GRAMD1C: variants seen among roughly 807,000 people sequenced by gnomAD.
The protein encoded by GRAMD1C is protein Aster-C.
A neutral mutation model predicts 97.8 loss-of-function variants in GRAMD1C; 89 were observed. That is an observed-to-expected ratio of 0.91 (90% CI 0.77 to 1.09). The LOEUF (loss-of-function observed/expected upper bound fraction) is 1.09, where lower values mean the gene tolerates loss of function less well. GRAMD1C is among the 50% of genes least tolerant of loss of function. The probability of loss-of-function intolerance (pLI) is 0.00; values close to 1 mark genes in which losing one functional copy is unlikely to be tolerated. For synonymous variants in GRAMD1C, 256 were observed against 267.0 expected (o/e 0.96, Z 0.40); for missense variants, 740 against 766.4 (o/e 0.97, Z 0.41).
chr3:113,860,274 C>A (rs1419832472), intron 2 of GRAMD1C, among the ~76,000 whole-genome samples: 1 of 152,174 alleles, frequency 6.6e-6, no homozygotes, highest in Non-Finnish European at 1.5e-5. Flanking sequence ...CCCGCCTTGG[C>A]CTCCCAAAGT....
At chr3:113,879,234 C>T (rs182127331) in intron 5 of GRAMD1C, among the ~76,000 whole-genome samples, 3 of 151,334 alleles carry the variant, frequency 2.0e-5, no homozygotes, top group African/African-American at 4.9e-5. Flanking sequence ...ACAAACAAAC[C>T]GACTCTCTTT....
chr3:113,912,641 G>A (rs1936645123), intron 9 of GRAMD1C, among the ~76,000 whole-genome samples: 1 of 151,810 alleles, frequency 6.6e-6, no homozygotes. Context: ...GCTGAAGCAG[G>A]AGCATCACTT....
chr3:113,831,053 C>CA (rs1000456365), intron 1 of GRAMD1C, among the ~76,000 whole-genome samples: 112 of 152,310 alleles, frequency 7.4e-4, no homozygotes, highest in African/African-American at 2.6e-3. Context: ...CGCACCACTG[C>CA]ACTCCAGCCT....
At chr3:113,882,571 A>G (rs1460825715) in intron 5 of GRAMD1C, among the ~76,000 whole-genome samples, 181 bp from the exon 6 acceptor site, 1 of 152,206 alleles carries the variant, frequency 6.6e-6, no homozygotes, top group African/African-American at 2.4e-5. Flanking sequence ...CCTTGTTCAT[A>G]TAGCAACTAC....
chr3:113,868,345 T>C (rs1446377603), intron 2 of GRAMD1C, among the ~76,000 whole-genome samples: 3 of 152,218 alleles, frequency 2.0e-5, no homozygotes, highest in Non-Finnish European at 4.4e-5. Flanking sequence ...AGTCAAATTT[T>C]CCTGTTTCTT....
chr3:113,870,098 A>G (rs983435484), intron 3 of GRAMD1C, among the ~76,000 whole-genome samples: 2 of 151,996 alleles, frequency 1.3e-5, no homozygotes, highest in African/African-American at 4.8e-5. Context: ...GTGGTGACTC[A>G]TGCCTGTTAT....
intron 8 of GRAMD1C, among the ~76,000 whole-genome samples, chr3:113,906,633 A>T (rs1936383254): frequency 6.6e-6 from 1 of 150,720 alleles, no homozygotes; most frequent in Non-Finnish European, 1.5e-5. Flanking sequence ...GCTAAGCTTA[A>T]TTTATTATTG....
chr3:113,898,019 A>G (rs184563666), intron 6 of GRAMD1C, among the ~76,000 whole-genome samples: 1 of 152,272 alleles, frequency 6.6e-6, no homozygotes, highest in East Asian at 1.9e-4. Context: ...AAATTGGCAA[A>G]TCTACAAGAT....
At chr3:113,850,242 G>T in intron 2 of GRAMD1C, 1 of 616,258 alleles carries the variant, frequency 1.6e-6, no homozygotes, top group Non-Finnish European at 3.1e-6. Context: ...CAGTTTTACT[G>T]AGGTGGCTGA....
chr3:113,859,803 T>G (rs1220459299), intron 2 of GRAMD1C, among the ~76,000 whole-genome samples: 2 of 152,180 alleles, frequency 1.3e-5, no homozygotes, highest in Non-Finnish European at 2.9e-5. Flanking sequence ...TACTGGTATA[T>G]TCTATCAAAT....
chr3:113,862,387 G>T (rs191994719), intron 2 of GRAMD1C, among the ~76,000 whole-genome samples: 3 of 152,296 alleles, frequency 2.0e-5, no homozygotes, highest in Non-Finnish European at 2.9e-5. Context: ...CTGAGAAAAA[G>T]AATTCAGCGA....
intron 6 of GRAMD1C, among the ~76,000 whole-genome samples, chr3:113,898,322 A>G (rs1936015984): frequency 6.6e-6 from 1 of 152,170 alleles, no homozygotes; most frequent in Non-Finnish European, 1.5e-5. Flanking sequence ...AAAAGTTTTT[A>G]TAAAAGATTA....
At chr3:113,842,201 A>G (rs530169736) in intron 1 of GRAMD1C, among the ~76,000 whole-genome samples, 2 of 152,320 alleles carry the variant, frequency 1.3e-5, no homozygotes, top group South Asian at 4.1e-4. Context: ...TTTATGTTGA[A>G]TAACTCCTAA....
At chr3:113,931,931 T>TA (rs1245571925) in intron 11 of GRAMD1C, among the ~76,000 whole-genome samples, 1 of 151,728 alleles carries the variant, frequency 6.6e-6, no homozygotes, top group Non-Finnish European at 1.5e-5. Context: ...GTCTCAAAAA[T>TA]AAAAAATAAA....
chr3:113,852,108 T>A (rs566584810), intron 2 of GRAMD1C, among the ~76,000 whole-genome samples: 11 of 151,930 alleles, frequency 7.2e-5, no homozygotes, highest in Admixed American at 2.0e-4. Context: ...AAGTGGGGAA[T>A]AAAACTGATT....
At chr3:113,932,964 C>T (rs1297099393) in intron 11 of GRAMD1C, among the ~76,000 whole-genome samples, 1 of 151,962 alleles carries the variant, frequency 6.6e-6, no homozygotes, top group Non-Finnish European at 1.5e-5. Flanking sequence ...TCACTGCAAC[C>T]TCTGCCTCCT....
chr3:113,848,512 T>G (rs1445733892), intron 2 of GRAMD1C, among the ~76,000 whole-genome samples: 1 of 152,046 alleles, frequency 6.6e-6, no homozygotes, highest in African/African-American at 2.4e-5. Context: ...TTTTTTTATT[T>G]TAAAATATTG....
chr3:113,838,815 C>A lies in GRAMD1C; in HGVS notation c.-95C>A, dbSNP rs1709685765. ...TCGGAGGGCCGGCGGAGGAGGCGCG[C>A]GGAGCCTGTAACTCGCAGCGCGCGC... On this transcript the variant is annotated 5_prime_UTR_variant, in exon 1 of 18. Coordinates refer to ENST00000358160, the MANE Select transcript of GRAMD1C (RefSeq NM_017577.5). 2.2e-6 allele frequency: 2 copies of A among 908,432 alleles called. No individual in the cohort carries two copies. The highest frequency in any genetic ancestry group is 1.7e-5 in the African/African-American group (1 of 57,896). The allele number at this position is 908,432 out of a possible 1,614,324, so 56.3% of individuals were successfully genotyped here. A position where few individuals can be genotyped will look rare whatever the true frequency, so the allele number is the denominator to read the frequency against.
At chr3:113,912,934 T>C (rs957192861) in intron 9 of GRAMD1C, 1 of 272,172 alleles carries the variant, frequency 3.7e-6, no homozygotes, top group East Asian at 1.3e-4. Flanking sequence ...GTTGTACTTA[T>C]TAAGTAGGCA....
Sources: gnomAD v4.1 joint callset for allele counts (sites outside exome capture counted in the v4.1 genomes callset) on GRCh38, gnomAD v4.1.1 for gene constraint, MANE v1.5 for transcripts, NCBI Gene and HGNC (gene_info 2026-07-23, HGNC 2026-07-21) for gene names.